NADK2: variants seen among roughly 807,000 people sequenced by gnomAD.
The protein encoded by NADK2 is NAD kinase 2, mitochondrial.
In NADK2, 35 loss-of-function variants were observed where a neutral mutation model predicts 62.1. The observed-to-expected ratio is 0.56, with a 90% confidence interval of 0.43 to 0.75. The LOEUF is 0.75. Ranked by LOEUF, NADK2 falls within the 30% of genes least tolerant of loss-of-function variation. NADK2 has a pLI of 0.00. For missense variants in NADK2, 439 were observed against 561.3 expected (o/e 0.78, Z 2.20); for synonymous variants, 205 against 207.9 (o/e 0.99, Z 0.12).
chr5:36,227,560 T>C lies in NADK2; in HGVS notation c.306A>G (p.Ala102=). 10 of 1,531,088 alleles carry C rather than the reference T, an allele frequency of 6.5e-6. No individual in the cohort carries two copies. Among genetic ancestry groups the C allele is most frequent in the Middle Eastern group, 1.7e-4 (1 of 5,900 alleles). The allele number at this position is 1,531,088 out of a possible 1,614,324, so 94.8% of individuals were successfully genotyped here. The change falls in exon 2 of 12, where the codon GCA becomes GCG. Residue 102 remains alanine (A), a synonymous_variant. Transcript: ENST00000381937. ...GTCCACTGTAACTAGAGCCTTTCAATGCAAGCTATATCAAAACAAAAGAAA... is the reference window on the plus strand; with the variant it reads ...GTCCACTGTAACTAGAGCCTTTCAACGCAAGCTATATCAAAACAAAAGAAA... ...LSEEDLKQLL[A]LKGSSYSGLL...
intron 11 of NADK2, 43 bp from the exon 12 acceptor site, chr5:36,195,325 T>A (rs1388609444): frequency 1.8e-5 from 28 of 1,541,216 alleles, no homozygotes; most frequent in Non-Finnish European, 2.3e-5. Flanking sequence ...ATAGTTTTCT[T>A]AATAGGTTAT....
At chr5:36,211,656 T>C (rs1324694083) in intron 7 of NADK2, among the ~76,000 whole-genome samples, 188 bp downstream of exon 7, 4 of 152,330 alleles carry the variant, frequency 2.6e-5, no homozygotes, top group Middle Eastern at 3.4e-3. Flanking sequence ...TTTTTTGTCA[T>C]AGAATATTCT....
At chr5:36,203,468 CA>C (rs370783571) in intron 8 of NADK2, among the ~76,000 whole-genome samples, 20 of 152,128 alleles carry the variant, frequency 1.3e-4, no homozygotes, top group African/African-American at 4.8e-4. Context: ...ATGTTAGATG[CA>C]AGCAAGCTGC....
At chr5:36,227,908 G>A (rs1747543959) in intron 1 of NADK2, among the ~76,000 whole-genome samples, 1 of 147,866 alleles carries the variant, frequency 6.8e-6, no homozygotes, top group African/African-American at 2.5e-5. Context: ...GCAGTGGTGT[G>A]ATCTCGGCTC....
upstream of NADK2, chr5:36,242,065 TTTTG>T (rs1018070458): frequency 5.2e-5 from 10 of 192,360 alleles, no homozygotes; most frequent in South Asian, 1.9e-4. Flanking sequence ...AGCTAGTGGG[TTTTG>T]TTTGTTTGTT....
intron 1 of NADK2, among the ~76,000 whole-genome samples, chr5:36,234,812 T>C (rs1040292936): frequency 2.6e-5 from 4 of 152,206 alleles, no homozygotes; most frequent in African/African-American, 9.6e-5. Context: ...ATCTAAACTT[T>C]AAAAAGATCA....
intron 9 of NADK2, 73 bp from the exon 10 acceptor site, chr5:36,200,353 A>AG: frequency 1.1e-6 from 1 of 941,914 alleles, no homozygotes. Context: ...TCCTTGAAAA[A>AG]GGGGGAAAAA....
chr5:36,226,892 C>CA (rs1747503757), intron 2 of NADK2, among the ~76,000 whole-genome samples: 1 of 152,028 alleles, frequency 6.6e-6, no homozygotes, highest in South Asian at 2.1e-4. Flanking sequence ...ATTCATAATA[C>CA]AAAAATGGTC....
At chr5:36,219,756 G>GT (rs1286390017) in intron 4 of NADK2, 77 bp from the exon 5 acceptor site, 1 of 1,002,384 alleles carries the variant, frequency 1.0e-6, no homozygotes, top group Non-Finnish European at 1.6e-6. Context: ...TAATCAAAAG[G>GT]TATCACTAAG....
In NADK2 at chr5:36,234,668, A is replaced by G. The variant is rs1421402284; in HGVS notation, c.300+6831T>C. Among the ~76,000 whole-genome samples the G allele has an allele frequency of 3.9e-5, 6 of 152,188 alleles. No individual in the cohort carries two copies. The South Asian group carries it at 1.0e-3, about 26-fold the overall frequency. On this transcript the variant is annotated intron_variant, in intron 1 of 11. Coordinates refer to ENST00000381937, the MANE Select transcript of NADK2 (RefSeq NM_001085411.3). ...TTGGATGCATAAGGCTTTAGTTGTA[A>G]TATTTCCATTTTTAAAATTCTGAAG...
chr5:36,237,624 T>C (rs973576645), intron 1 of NADK2, among the ~76,000 whole-genome samples: 2 of 152,224 alleles, frequency 1.3e-5, no homozygotes, highest in Admixed American at 6.5e-5. Context: ...CTAATGGAAA[T>C]TAACACAGTT....
rs767303613 is a variant in NADK2, at chr5:36,219,692, A to G, written c.561-13T>C. On this transcript the variant is annotated splice_polypyrimidine_tract_variant and intron_variant, in intron 4 of 11. Coordinates refer to ENST00000381937, the MANE Select transcript of NADK2 (RefSeq NM_001085411.3). ...ATGACCCTCAGACCTATATTTTAAC[A>G]GGAATTTTTTGGTGATATAAAGAGG... 3 of 1,608,990 alleles carry G rather than the reference A, an allele frequency of 1.9e-6. No homozygotes were observed. Among genetic ancestry groups the G allele is most frequent in the South Asian group, 2.2e-5 (2 of 89,878 alleles).
intron 4 of NADK2, among the ~76,000 whole-genome samples, chr5:36,224,464 G>A (rs908436250): frequency 6.6e-6 from 1 of 151,114 alleles, no homozygotes; most frequent in Non-Finnish European, 1.5e-5. Context: ...GGCTGAGGCA[G>A]AAGAATTGCT....
intron 6 of NADK2, among the ~76,000 whole-genome samples, chr5:36,215,976 T>C (rs1438247455): frequency 6.6e-6 from 1 of 152,196 alleles, no homozygotes; most frequent in Non-Finnish European, 1.5e-5. Flanking sequence ...TGCTAGATTG[T>C]ATGGGAGTTC....
At chr5:36,224,669 AG>A (rs915811762) in intron 4 of NADK2, among the ~76,000 whole-genome samples, 1 of 152,150 alleles carries the variant, frequency 6.6e-6, no homozygotes, top group Non-Finnish European at 1.5e-5. Context: ...TGAAAGTCAA[AG>A]GGCAGATTTA....
In NADK2 at chr5:36,195,060, A is replaced by G; in HGVS notation, c.*84T>C. The G allele has an allele frequency of 6.8e-7, 1 of 1,477,888 alleles. No homozygotes were observed. The highest frequency in any genetic ancestry group is 1.4e-5 in the South Asian group (1 of 70,944). The allele number at this position is 1,477,888 out of a possible 1,614,324, so 91.5% of individuals were successfully genotyped here. A position where few individuals can be genotyped will look rare whatever the true frequency, so the allele number is the denominator to read the frequency against. ...GGGCAAGCAGTCTCAACAATAACCA[A>G]AAAATGTCACTTTACGACTGGTAGT... is the stretch of plus-strand genomic sequence containing the variant. On this transcript the variant is annotated 3_prime_UTR_variant, in exon 12 of 12. Coordinates refer to ENST00000381937, the MANE Select transcript of NADK2 (RefSeq NM_001085411.3).
chr5:36,237,601 AT>A, intron 1 of NADK2, among the ~76,000 whole-genome samples: 1 of 152,244 alleles, frequency 6.6e-6, no homozygotes, highest in East Asian at 1.9e-4. Context: ...ATTAAACTAA[AT>A]CAGTACAACA....
Position 36,213,133 on chromosome 5 carries a change from G to A in NADK2, c.782-1211C>T, listed in dbSNP as rs953346208. ...AAAAGTGTGTTCTCCAGTTCCAGTCGTCTTTATATACTGCTGTCCTGGCCA... is the reference window on the plus strand; with the variant it reads ...AAAAGTGTGTTCTCCAGTTCCAGTCATCTTTATATACTGCTGTCCTGGCCA... On this transcript the variant is annotated intron_variant, in intron 6 of 11. Coordinates refer to ENST00000381937, the MANE Select transcript of NADK2 (RefSeq NM_001085411.3). The A allele has an allele frequency of 1.2e-4, 18 of 152,254 alleles. 1 individual carries two copies. The highest frequency in any genetic ancestry group is 9.6e-5 in the African/African-American group (4 of 41,534). The allele number at this position is 152,254 out of a possible 1,614,324, so 9.4% of individuals were successfully genotyped here.
intron 7 of NADK2, among the ~76,000 whole-genome samples, chr5:36,210,209 G>A (rs1322369528): frequency 2.6e-5 from 4 of 152,074 alleles, no homozygotes; most frequent in African/African-American, 9.7e-5. Flanking sequence ...ACATCTACAA[G>A]GATGAGAAGC....
Sources: allele counts gnomAD v4.1 joint callset (sites outside exome capture counted in the v4.1 genomes callset), GRCh38; gene constraint gnomAD v4.1.1; transcripts MANE v1.5; gene names NCBI Gene and HGNC (gene_info 2026-07-23, HGNC 2026-07-21).